The following INSIG2 variants were observed in gnomAD, a reference collection of about 807,000 sequenced individuals.
INSIG2 encodes the protein insulin-induced gene 2 protein.
INSIG2 carries 10 observed loss-of-function variants against 27.2 expected under a neutral mutation model. That is an observed-to-expected ratio of 0.37 (90% confidence interval 0.23 to 0.62). INSIG2 has a LOEUF of 0.62. Ranked by LOEUF, INSIG2 falls within the 20% of genes least tolerant of loss-of-function variation. The pLI is 0.65. For synonymous variants in INSIG2, 97 were observed against 95.8 expected, an observed-to-expected ratio of 1.01 and a Z score of -0.07; for missense variants, 178 against 270.2, an observed-to-expected ratio of 0.66 and a Z score of 2.39.
intron 1 of INSIG2, among the ~76,000 whole-genome samples, chr2:118,089,559 A>G (rs1228114268): frequency 6.6e-6 from 1 of 152,016 alleles, no homozygotes; most frequent in African/African-American, 2.4e-5. Flanking sequence ...AGGGAATGCT[A>G]CTAATGGGGG....
At chr2:118,100,373 CTTT>C (rs70949913) in intron 2 of INSIG2, among the ~76,000 whole-genome samples, 29 of 81,512 alleles carry the variant, frequency 3.6e-4, no homozygotes, top group Admixed American at 3.4e-3. Flanking sequence ...ACTCTTTTGC[CTTT>C]TTTTTTTTTT....
At chr2:118,093,739 G>T (rs1678325425) in intron 1 of INSIG2, among the ~76,000 whole-genome samples, 1 of 122,374 alleles carries the variant, frequency 8.2e-6, no homozygotes, top group Non-Finnish European at 1.8e-5. Flanking sequence ...TGATGATGAT[G>T]ATGAAGGAGA....
At chr2:118,098,644 A>G (rs912469346) in intron 2 of INSIG2, among the ~76,000 whole-genome samples, 2 of 152,070 alleles carry the variant, frequency 1.3e-5, no homozygotes, top group Admixed American at 6.6e-5. Context: ...GTTTCATTGT[A>G]CCTCCACTAT....
rs1418839618 is a variant in INSIG2 at position 118,109,903 on chromosome 2, A to G, written c.*1581A>G. The G allele has an allele frequency of 1.3e-5, 2 of 152,536 alleles. No individual in the cohort carries two copies. The highest frequency in any genetic ancestry group is 4.8e-5 in the African/African-American group (2 of 41,422). 9.4% of individuals were successfully genotyped at this position (152,536 alleles called of 1,614,324 possible). A position where few individuals can be genotyped will look rare whatever the true frequency, so the allele number is the denominator to read the frequency against. On this transcript the variant is annotated 3_prime_UTR_variant, in exon 6 of 6. Coordinates refer to ENST00000245787, the MANE Select transcript of INSIG2 (RefSeq NM_016133.4). Reference sequence around the variant, plus strand: ...GTTATTCATTTAGAACAAATAAGGTATATTTTTTAGAATCAACTTTGTAAG... The same window carrying G: ...GTTATTCATTTAGAACAAATAAGGTGTATTTTTTAGAATCAACTTTGTAAG...
rs980152500 is a variant in INSIG2 at position 118,109,435 on chromosome 2, G to A, written c.*1113G>A. 9 of 152,152 alleles carry A rather than the reference G, an allele frequency of 5.9e-5. No homozygotes were observed. Among genetic ancestry groups the A allele is most frequent in the African/African-American group, 1.9e-4 (8 of 41,418 alleles). 9.4% of individuals were successfully genotyped at this position (152,152 alleles called of 1,614,324 possible). The stretch of plus-strand genomic sequence containing the variant: ...GAATAGTTCAAGTCTGTTTAAGAGT[G>A]TATTGAGATGGCATTCTCTGCATGT... On this transcript the variant is annotated 3_prime_UTR_variant, in exon 6 of 6. Coordinates refer to ENST00000245787, the MANE Select transcript of INSIG2 (RefSeq NM_016133.4).
At chr2:118,095,251 C>T (rs1406898964) in intron 1 of INSIG2, among the ~76,000 whole-genome samples, 1 of 152,112 alleles carries the variant, frequency 6.6e-6, no homozygotes, top group Non-Finnish European at 1.5e-5. Context: ...AGTAAATTAC[C>T]TGTGTAGTAT....
chr2:118,095,031 T>A (rs1678374638), intron 1 of INSIG2, among the ~76,000 whole-genome samples: 1 of 152,250 alleles, frequency 6.6e-6, no homozygotes, highest in Non-Finnish European at 1.5e-5. Flanking sequence ...GCAGGAACTT[T>A]TCTGGGTGCA....
intron 2 of INSIG2, among the ~76,000 whole-genome samples, chr2:118,100,876 C>T (rs1454248718): frequency 6.6e-6 from 1 of 152,186 alleles, no homozygotes; most frequent in Non-Finnish European, 1.5e-5. Flanking sequence ...CATTTAAGCA[C>T]ATTCCCATAA....
Position 118,096,668 on chromosome 2 carries a change from A to C in INSIG2, c.112A>C (p.Ile38Leu). The change falls in exon 2 of 6, where the codon ATT becomes CTT. Residue 38 changes from isoleucine to leucine, a missense_variant. Coordinates refer to ENST00000245787, the MANE Select transcript of INSIG2 (RefSeq NM_016133.4). Reference sequence around the variant, plus strand: ...GATTCGAGGAGTAGTGCTATTTTTTATTGGAGTATTTCTTGCATTAGTGTT... The same window carrying C: ...GATTCGAGGAGTAGTGCTATTTTTTCTTGGAGTATTTCTTGCATTAGTGTT... Reference protein sequence around the residue: ...LMIRGVVLFFIGVFLALVLNL... With the variant: ...LMIRGVVLFFLGVFLALVLNL... The C allele has an allele frequency of 6.2e-7, 1 of 1,613,990 alleles. No individual in the cohort carries two copies. The highest frequency in any genetic ancestry group is 1.1e-5 in the South Asian group (1 of 91,078).
At chr2:118,095,586 A>G (rs1371185627) in intron 1 of INSIG2, among the ~76,000 whole-genome samples, 3 of 152,248 alleles carry the variant, frequency 2.0e-5, no homozygotes, top group Non-Finnish European at 4.4e-5. Context: ...AGAGGAATGA[A>G]CAAGTACCTA....
intron 2 of INSIG2, chr2:118,102,438 TTTC>T (rs1442781644): frequency 6.6e-6 from 1 of 152,234 alleles, no homozygotes; most frequent in Non-Finnish European, 1.5e-5. Context: ...ACTAAGATGA[TTTC>T]TTCTTCTAAC....
At chr2:118,102,170 C>T (rs533790719) in intron 2 of INSIG2, among the ~76,000 whole-genome samples, 7 of 152,326 alleles carry the variant, frequency 4.6e-5, no homozygotes, top group African/African-American at 1.7e-4. Flanking sequence ...ACTGATGTGA[C>T]AGTAGTGTCT....
chr2:118,109,736 C>G lies in INSIG2; in HGVS notation c.*1414C>G, dbSNP rs1443298908. On this transcript the variant is annotated 3_prime_UTR_variant, in exon 6 of 6. Transcript: ENST00000245787. ...TACTATCAGACTGAGATCTTGTATG[C>G]CAAACTTTAATCTGCTTTTATGTTT... 7 of 151,344 alleles carry G rather than the reference C, an allele frequency of 4.6e-5. No homozygotes were observed. In the Admixed American group the frequency reaches 4.6e-4, roughly 10 times the overall value. The allele number at this position is 151,344 out of a possible 1,614,324, so 9.4% of individuals were successfully genotyped here.
At position 118,107,097 on chromosome 2, in the gene INSIG2, T is replaced by A. The variant is rs759566515; in HGVS notation, c.544T>A (p.Ser182Thr). Residue 182 changes from serine to threonine, a missense_variant, in exon 5 of 6, where the codon TCT (serine) becomes ACT (threonine). Coordinates refer to ENST00000245787, the MANE Select transcript of INSIG2 (RefSeq NM_016133.4). ...LVYNGVYQYTSPDFLYVRSWL... is the reference protein window; with the variant it reads ...LVYNGVYQYTTPDFLYVRSWL... Reference sequence around the variant, plus strand: ...ACATGTCTGTTATTCTAGATATACATCTCCAGATTTCCTCTATGTTCGTTC... The same window carrying A: ...ACATGTCTGTTATTCTAGATATACAACTCCAGATTTCCTCTATGTTCGTTC... The A allele has an allele frequency of 6.2e-7, 1 of 1,605,102 alleles. No individual in the cohort carries two copies. The highest frequency in any genetic ancestry group is 2.2e-5 in the East Asian group (1 of 44,794).
chr2:118,099,340 G>A (rs1195763855), intron 2 of INSIG2, among the ~76,000 whole-genome samples: 1 of 152,158 alleles, frequency 6.6e-6, no homozygotes. Context: ...TGTGTAGAAA[G>A]TGCTCCTTGT....
At chr2:118,097,481 G>A (rs1678439623) in intron 2 of INSIG2, among the ~76,000 whole-genome samples, 1 of 152,106 alleles carries the variant, frequency 6.6e-6, no homozygotes, top group Non-Finnish European at 1.5e-5. Context: ...AATATTTAAA[G>A]ACATCTATAA....
In INSIG2 at chr2:118,109,012, G is replaced by A. The variant is rs955455707; in HGVS notation, c.*690G>A. 5.3e-5 allele frequency: 8 copies of A among 152,174 alleles called. No individual in the cohort carries two copies. Among genetic ancestry groups the A allele is most frequent in the African/African-American group, 1.7e-4 (7 of 41,448 alleles). The allele number at this position is 152,174 out of a possible 1,614,324, so 9.4% of individuals were successfully genotyped here. A position where few individuals can be genotyped will look rare whatever the true frequency, so the allele number is the denominator to read the frequency against. ...GAAGTATATGTGATGAGCAGAAGAG[G>A]TTATCAGCATTAAATTGTTTTGGTT... On this transcript the variant is annotated 3_prime_UTR_variant, in exon 6 of 6. Transcript: ENST00000245787.
In INSIG2 at chr2:118,108,300, C is replaced by T; in HGVS notation, c.656C>T (p.Ala219Val). The change falls in exon 6 of 6, where the codon GCA (alanine) becomes GTA (valine). Residue 219 changes from alanine to valine, a missense_variant. Physicochemically the swap from Ala to Val is moderately conservative, Grantham distance 64. Coordinates refer to ENST00000245787, the MANE Select transcript of INSIG2 (RefSeq NM_016133.4). ...QLAMYECKVI[A>V]EKSHQE ...TTGCAGTACGAATGTAAAGTTATCG[C>T]AGAAAAATCTCATCAGGAATGAAGA... is the stretch of plus-strand genomic sequence containing the variant. 6.3e-7 allele frequency: 1 copy of T among 1,593,952 alleles called. No individual in the cohort carries two copies. The highest frequency in any genetic ancestry group is 8.5e-7 in the Non-Finnish European group (1 of 1,170,720).
rs1397752792 is a variant in INSIG2 at position 118,109,593 on chromosome 2, G to A, written c.*1271G>A. ...GGCAAGATCTTCTGAGTACTCTGGG[G>A]TGTGAGTATGTGTGCACACGTGTGT... On this transcript the variant is annotated 3_prime_UTR_variant, in exon 6 of 6. Transcript: ENST00000245787. 1 of 152,530 alleles carries A rather than the reference G, an allele frequency of 6.6e-6. No individual in the cohort carries two copies. Among genetic ancestry groups the A allele is most frequent in the East Asian group, 1.9e-4 (1 of 5,194 alleles). The allele number at this position is 152,530 out of a possible 1,614,324, so 9.4% of individuals were successfully genotyped here. A position where few individuals can be genotyped will look rare whatever the true frequency, so the allele number is the denominator to read the frequency against.
Sources: gnomAD v4.1 joint callset for allele counts (sites outside exome capture counted in the v4.1 genomes callset) on GRCh38, gnomAD v4.1.1 for gene constraint, MANE v1.5 for transcripts, NCBI Gene and HGNC (gene_info 2026-07-23, HGNC 2026-07-21) for gene names.